The following ZKSCAN7 variants were observed in gnomAD, a reference collection of about 807,000 sequenced individuals.
ZKSCAN7 encodes the protein zinc finger protein with KRAB and SCAN domains 7.
Under a neutral mutation model 65.3 loss-of-function variants are expected in ZKSCAN7, and 38 were observed. That is an observed-to-expected ratio of 0.58 (90% CI 0.45 to 0.76). The LOEUF (loss-of-function observed/expected upper bound fraction) is 0.76. ZKSCAN7 is among the 30% of genes least tolerant of loss of function. The pLI, the probability that ZKSCAN7 is intolerant of heterozygous loss-of-function variation, is 0.00. For synonymous variants in ZKSCAN7, 321 were observed against 321.0 expected (o/e 1.00, Z 0.00); for missense variants, 815 against 913.3 (o/e 0.89, Z 1.39).
chr3:44,581,031 G>C, intron 5 of ZKSCAN7: 1 of 1,558,038 alleles, frequency 6.4e-7, no homozygotes, highest in East Asian at 2.4e-5. Context: ...CGACATGGTC[G>C]GCGCGGCGGC....
chr3:44,556,832 C>A, intron 1 of ZKSCAN7, 98 bp from the exon 2 acceptor site: 1 of 652,716 alleles, frequency 1.5e-6, no homozygotes, highest in Non-Finnish European at 2.6e-6. Context: ...TGGTTGTGTT[C>A]TTTTTTCCTG....
downstream of ZKSCAN7, among the ~76,000 whole-genome samples, chr3:44,575,222 G>A (rs1699898721): frequency 6.6e-6 from 1 of 152,228 alleles, no homozygotes; most frequent in African/African-American, 2.4e-5. Context: ...CCCGAGCCTG[G>A]GAGGCCATGG....
At chr3:44,565,825 G>A (rs925605595) in intron 3 of ZKSCAN7, among the ~76,000 whole-genome samples, 170 bp downstream of exon 3, 7 of 152,048 alleles carry the variant, frequency 4.6e-5, no homozygotes, top group East Asian at 3.8e-4. Context: ...CTAATCATTC[G>A]TGTAGTTAGT....
chr3:44,563,674 G>A (rs944641828), intron 2 of ZKSCAN7, among the ~76,000 whole-genome samples: 2 of 141,762 alleles, frequency 1.4e-5, no homozygotes, highest in Admixed American at 7.0e-5. Context: ...CCGTGATCCA[G>A]TCACTTCCCA....
At chr3:44,580,374 G>A (rs1700043244) in intron 5 of ZKSCAN7, 2 of 1,607,384 alleles carry the variant, frequency 1.2e-6, no homozygotes, top group Non-Finnish European at 8.5e-7. Flanking sequence ...ACTCTGAGCT[G>A]GACTCAGACT....
At chr3:44,564,734 A>C (rs1699582335) in intron 2 of ZKSCAN7, among the ~76,000 whole-genome samples, 1 of 152,090 alleles carries the variant, frequency 6.6e-6, no homozygotes, top group East Asian at 1.9e-4. Context: ...ACATCCACAA[A>C]TCTTATCTTT....
rs917432847 is a variant in ZKSCAN7, at chr3:44,568,565, C to T, written c.811+132C>T. The T allele has an allele frequency of 2.3e-6, 3 of 1,302,356 alleles. No homozygotes were observed. In the African/African-American group the frequency reaches 4.5e-5, roughly 19 times the overall value. The allele number at this position is 1,302,356 out of a possible 1,614,324, so 80.7% of individuals were successfully genotyped here. A position where few individuals can be genotyped will look rare whatever the true frequency, so the allele number is the denominator to read the frequency against. ...TAAACTAGAGTGAATAATATAGGGA[C>T]CCTTTCTGCATTCATCACTGAGATT... is the stretch of plus-strand genomic sequence containing the variant. On this transcript the variant is annotated intron_variant, in intron 5 of 5. Coordinates refer to ENST00000426540, the MANE Select transcript of ZKSCAN7 (RefSeq NM_001288590.2).
intron 5 of ZKSCAN7, chr3:44,579,866 T>A: frequency 1.9e-6 from 3 of 1,610,540 alleles, no homozygotes; most frequent in Non-Finnish European, 2.5e-6. Flanking sequence ...CCAGCCTTTC[T>A]TGAAATTCAG....
chr3:44,572,923 C>T (rs576964762), downstream of ZKSCAN7, among the ~76,000 whole-genome samples: 23 of 149,370 alleles, frequency 1.5e-4, no homozygotes, highest in South Asian at 3.8e-3. Flanking sequence ...AGCAGTGGTA[C>T]AGATTATTGA....
chr3:44,574,859 G>C (rs1699892328), downstream of ZKSCAN7, among the ~76,000 whole-genome samples: 1 of 152,176 alleles, frequency 6.6e-6, no homozygotes, highest in South Asian at 2.1e-4. Flanking sequence ...GAACCTGGGA[G>C]GTGGAGACTG....
chr3:44,558,175 G>T (rs559962176), intron 2 of ZKSCAN7, among the ~76,000 whole-genome samples: 3 of 142,216 alleles, frequency 2.1e-5, no homozygotes, highest in Non-Finnish European at 4.7e-5. Flanking sequence ...GGAGAGAGGG[G>T]TGTGTGTGTG....
chr3:44,568,100 A>G, intron 4 of ZKSCAN7, 97 bp downstream of exon 4: 1 of 1,453,804 alleles, frequency 6.9e-7, no homozygotes, highest in Non-Finnish European at 9.4e-7. Flanking sequence ...ATCTAAGACT[A>G]TTCCTGTGGC....
chr3:44,571,466 T>C lies in ZKSCAN7; in HGVS notation c.*91T>C. On this transcript the variant is annotated 3_prime_UTR_variant, in exon 6 of 6. Transcript: ENST00000426540. Reference sequence around the variant, plus strand: ...CATAGTGGTTTCCCGGAGCCAGTAGTCACGGTGGACCATTCCCTACTTGCT... The same window carrying C: ...CATAGTGGTTTCCCGGAGCCAGTAGCCACGGTGGACCATTCCCTACTTGCT... 6.3e-7 allele frequency: 1 copy of C among 1,599,126 alleles called. No homozygotes were observed. Among genetic ancestry groups the C allele is most frequent in the South Asian group, 1.1e-5 (1 of 90,854 alleles).
intron 1 of ZKSCAN7, 51 bp from the exon 2 acceptor site, chr3:44,556,879 A>G: frequency 3.4e-6 from 3 of 886,168 alleles, no homozygotes; most frequent in South Asian, 3.3e-5. Flanking sequence ...GATTGTCATC[A>G]GCCTGGGGCT....
intron 5 of ZKSCAN7, among the ~76,000 whole-genome samples, chr3:44,578,668 C>A (rs1699982043): frequency 2.0e-5 from 3 of 152,210 alleles, no homozygotes; most frequent in Admixed American, 2.0e-4. Flanking sequence ...ACCGCTGGCT[C>A]TTCTCCAGCT....
chr3:44,569,013 G>A (rs6768789), intron 5 of ZKSCAN7, among the ~76,000 whole-genome samples: 44,301 of 152,022 alleles, frequency 0.29, 6,981 homozygotes, highest in Non-Finnish European at 0.32. Context: ...CTCTCCATGC[G>A]CCACTTCAGC....
chr3:44,580,077 G>A (rs1384731836), intron 5 of ZKSCAN7: 2 of 1,602,688 alleles, frequency 1.2e-6, no homozygotes, highest in Non-Finnish European at 1.7e-6. Context: ...CACTGCATTG[G>A]TCTCCATGTG....
intron 2 of ZKSCAN7, among the ~76,000 whole-genome samples, chr3:44,557,857 C>T (rs1699347122): frequency 6.6e-6 from 1 of 152,150 alleles, no homozygotes; most frequent in Admixed American, 6.5e-5. Context: ...TTCTCAGAGT[C>T]AATTTTCTCT....
At chr3:44,564,639 A>G (rs1019169254) in intron 2 of ZKSCAN7, among the ~76,000 whole-genome samples, 3 of 152,254 alleles carry the variant, frequency 2.0e-5, no homozygotes, top group African/African-American at 7.2e-5. Flanking sequence ...ACTTTTGCTC[A>G]GAGAAATTGG....
Sources: allele counts gnomAD v4.1 joint callset (sites outside exome capture counted in the v4.1 genomes callset), GRCh38; gene constraint gnomAD v4.1.1; transcripts MANE v1.5; gene names NCBI Gene and HGNC (gene_info 2026-07-23, HGNC 2026-07-21).